ZBBX: variants seen among roughly 807,000 people sequenced by gnomAD.
The protein encoded by ZBBX is zinc finger B-box domain-containing protein 1.
ZBBX carries 101 observed loss-of-function variants against 108.5 expected under a neutral mutation model. The ratio of observed to expected loss-of-function variants is 0.93; its 90% CI spans 0.79 to 1.10. ZBBX has a LOEUF of 1.10. ZBBX is among the 50% of genes least tolerant of loss of function. The pLI is 0.00. For synonymous variants in ZBBX, 356 were observed against 323.4 expected (o/e 1.10, Z -1.08); for missense variants, 1,009 against 941.4 (o/e 1.07, Z -0.94).
downstream of ZBBX, among the ~76,000 whole-genome samples, chr3:167,237,250 C>T (rs1720267677): frequency 6.6e-6 from 1 of 151,632 alleles, no homozygotes; most frequent in Non-Finnish European, 1.5e-5. Context: ...TGAATTACTT[C>T]AATGAATATA....
chr3:167,301,468 T>G (rs1732656244), intron 17 of ZBBX, among the ~76,000 whole-genome samples: 1 of 152,242 alleles, frequency 6.6e-6, no homozygotes, highest in Non-Finnish European at 1.5e-5. Context: ...AGTGAATTCC[T>G]TTGAGTTTAT....
intron 10 of ZBBX, among the ~76,000 whole-genome samples, chr3:167,329,563 G>A (rs1226179998): frequency 6.6e-6 from 1 of 152,148 alleles, no homozygotes; most frequent in East Asian, 1.9e-4. Flanking sequence ...GGGAAATGAT[G>A]TCTGAATTGG....
intron 8 of ZBBX, among the ~76,000 whole-genome samples, chr3:167,352,547 G>A (rs1742842314): frequency 1.3e-5 from 2 of 151,952 alleles, no homozygotes; most frequent in South Asian, 2.1e-4. Context: ...AATTCTACCA[G>A]TCATAAAAAG....
chr3:167,375,365 G>T (rs1746789261), intron 2 of ZBBX, among the ~76,000 whole-genome samples: 2 of 152,146 alleles, frequency 1.3e-5, no homozygotes, highest in African/African-American at 4.8e-5. Context: ...GCCAAGGTGG[G>T]CAGATGACTT....
chr3:167,377,608 T>C (rs1747164387), intron 2 of ZBBX, among the ~76,000 whole-genome samples: 1 of 152,070 alleles, frequency 6.6e-6, no homozygotes. Flanking sequence ...TTAAAATAGT[T>C]GCTTTTAATA....
At chr3:167,218,154 G>A in the ZBBX span, among the ~76,000 whole-genome samples, 1 of 152,052 alleles carries the variant, frequency 6.6e-6, no homozygotes, top group Non-Finnish European at 1.5e-5. Context: ...TAACTATTGA[G>A]TGCTGAGCTT....
chr3:167,345,561 T>G (rs1040315675), intron 9 of ZBBX, among the ~76,000 whole-genome samples: 1 of 151,874 alleles, frequency 6.6e-6, no homozygotes, highest in Admixed American at 6.6e-5. Flanking sequence ...TTTATGATAA[T>G]TCCTTTTTTG....
chr3:167,269,003 A>C (rs1726073124), intron 20 of ZBBX, among the ~76,000 whole-genome samples: 1 of 152,186 alleles, frequency 6.6e-6, no homozygotes, highest in South Asian at 2.1e-4. Context: ...GGAGAGAAGA[A>C]GGACAAGAGA....
intron 8 of ZBBX, among the ~76,000 whole-genome samples, chr3:167,358,161 G>C (rs1205648189): frequency 2.0e-5 from 3 of 150,836 alleles, no homozygotes; most frequent in Non-Finnish European, 4.4e-5. Flanking sequence ...AAAACTTAAA[G>C]TATAATAATA....
rs543279903 is a variant in ZBBX, at chr3:167,328,534, C to A, written c.688-418G>T. 4.6e-5 allele frequency among the ~76,000 whole-genome samples: 7 copies of A among 152,048 alleles called. No homozygotes were observed. The South Asian group carries it at 1.5e-3, about 32-fold the overall frequency. ...TGATCAGACATTCCCCTGCTCAAAA[C>A]TCTCTGTTGACTGTCTATGAAACCC... On this transcript the variant is annotated intron_variant, in intron 10 of 21. Transcript: ENST00000675490.
chr3:167,220,257 C>T, the ZBBX span, among the ~76,000 whole-genome samples: 4 of 151,896 alleles, frequency 2.6e-5, no homozygotes, highest in African/African-American at 9.7e-5. Context: ...TGCCATAACA[C>T]CAAAATCAGA....
At chr3:167,212,381 C>G in the ZBBX span, among the ~76,000 whole-genome samples, 1 of 152,172 alleles carries the variant, frequency 6.6e-6, no homozygotes, top group Non-Finnish European at 1.5e-5. Flanking sequence ...TGGACAAAGA[C>G]TGTAGGAACA....
chr3:167,182,124 T>G, the ZBBX span, among the ~76,000 whole-genome samples: 17 of 152,250 alleles, frequency 1.1e-4, no homozygotes, highest in East Asian at 2.7e-3. Context: ...ACTCGCTGAT[T>G]TTTTTTACAG....
intron 20 of ZBBX, among the ~76,000 whole-genome samples, chr3:167,277,663 C>T (rs1335672353): frequency 6.6e-6 from 1 of 152,062 alleles, no homozygotes; most frequent in African/African-American, 2.4e-5. Context: ...GACTTTAACA[C>T]CCCACTGTCA....
chr3:167,359,618 G>A (rs79754307), intron 8 of ZBBX, among the ~76,000 whole-genome samples: 548 of 152,240 alleles, frequency 3.6e-3, no homozygotes, highest in Non-Finnish European at 6.5e-3. Flanking sequence ...ATGACTCAAA[G>A]GAGCGGAGAC....
At chr3:167,244,174 A>G (rs1721173108) in intron 20 of ZBBX, among the ~76,000 whole-genome samples, 3 of 152,208 alleles carry the variant, frequency 2.0e-5, no homozygotes, top group African/African-American at 7.2e-5. Flanking sequence ...GAAGAGCTGA[A>G]ACTAGAACTA....
At chr3:167,204,198 C>CTTTT in the ZBBX span, among the ~76,000 whole-genome samples, 2 of 118,104 alleles carry the variant, frequency 1.7e-5, no homozygotes, top group Admixed American at 8.6e-5. Flanking sequence ...TTCTTTTTTT[C>CTTTT]TTTTTTTTTT....
At chr3:167,266,656 A>G (rs1725552850) in intron 20 of ZBBX, among the ~76,000 whole-genome samples, 1 of 152,244 alleles carries the variant, frequency 6.6e-6, no homozygotes, top group Non-Finnish European at 1.5e-5. Flanking sequence ...CGTTAAGGGT[A>G]TAAAAAACTC....
chr3:167,198,959 A>C, the ZBBX span, among the ~76,000 whole-genome samples: 1 of 152,322 alleles, frequency 6.6e-6, no homozygotes, highest in African/African-American at 2.4e-5. Context: ...TAAAACATAA[A>C]GTTTTAAAAA....
Sources: gnomAD v4.1 joint callset for allele counts (sites outside exome capture counted in the v4.1 genomes callset) on GRCh38, gnomAD v4.1.1 for gene constraint, MANE v1.5 for transcripts, NCBI Gene and HGNC (gene_info 2026-07-23, HGNC 2026-07-21) for gene names.